BAIAP2L2: variants seen among roughly 807,000 people sequenced by gnomAD.
BAIAP2L2 encodes the protein BAR/IMD domain containing adaptor protein 2 like 2, also known as BAR/IMD domain-containing adapter protein 2-like 2.
A neutral mutation model predicts 60.4 loss-of-function variants in BAIAP2L2; 65 were observed. The ratio of observed to expected loss-of-function variants is 1.08; its 90% CI spans 0.88 to 1.32. The LOEUF (loss-of-function observed/expected upper bound fraction) is 1.32, where lower values mean the gene tolerates loss of function less well. Ranked by LOEUF, BAIAP2L2 falls within the 40% of genes most tolerant of loss-of-function variation. The probability of loss-of-function intolerance (pLI) is 0.00; values close to 1 mark genes in which losing one functional copy is unlikely to be tolerated. For missense variants in BAIAP2L2, 836 were observed against 741.2 expected (o/e 1.13, Z -1.48); for synonymous variants, 344 against 301.7 (o/e 1.14, Z -1.45).
chr22:38,094,752 C>T (rs563363622), intron 7 of BAIAP2L2, among the ~76,000 whole-genome samples: 4 of 152,156 alleles, frequency 2.6e-5, no homozygotes, highest in South Asian at 4.2e-4. Context: ...GAGCCTGAGC[C>T]GAAATCTGGG....
chr22:38,089,540 C>G lies in BAIAP2L2; in HGVS notation c.747G>C (p.Thr249=), dbSNP rs2086227366. The G allele has an allele frequency of 4.9e-6, 6 of 1,220,580 alleles. No homozygotes were observed. Among genetic ancestry groups the G allele is most frequent in the Non-Finnish European group, 6.1e-6 (6 of 981,200 alleles). The allele number at this position is 1,220,580 out of a possible 1,614,324, so 75.6% of individuals were successfully genotyped here. A position where few individuals can be genotyped will look rare whatever the true frequency, so the allele number is the denominator to read the frequency against. ...LGPPYPSGRL[T]PTCLDMPPRP... ...GCCTCACCATGTCCAGGCAGGTGGG[C>G]GTCAGGCGGCCCGAGGGGTAGGGCG... The change falls in exon 8 of 14, where the codon ACG becomes ACC. Residue 249 remains threonine (T), a synonymous_variant. Transcript: ENST00000381669.
intron 7 of BAIAP2L2, among the ~76,000 whole-genome samples, chr22:38,094,560 G>C (rs888035495): frequency 6.6e-6 from 1 of 152,194 alleles, no homozygotes; most frequent in Admixed American, 6.5e-5. Flanking sequence ...GCATGACTCT[G>C]TGAATATACT....
intron 12 of BAIAP2L2, 51 bp downstream of exon 12, chr22:38,086,191 C>G (rs2086061070): frequency 6.4e-7 from 1 of 1,564,726 alleles, no homozygotes. Context: ...TCCCTGCTCT[C>G]CTGCCTCCCT....
rs1316451318 is a variant in BAIAP2L2 at position 38,087,003 on chromosome 22, AAAAAACAAAACAAAAC to A, written c.1259+105_1259+120del. The A allele has an allele frequency of 1.3e-4, 172 of 1,276,764 alleles. No homozygotes were observed. The African/African-American group carries it at 2.4e-3, about 18-fold the overall frequency. 79.1% of individuals were successfully genotyped at this position (1,276,764 alleles called of 1,614,324 possible). ...AGGGTGAGACTCTGTCTCAAAAAAA[AAAAAACAAAACAAAAC>A]AAAAAAACAAAAAAACAAGCCTGCA... On this transcript the variant is annotated intron_variant, in intron 11 of 13. Coordinates refer to ENST00000381669, the MANE Select transcript of BAIAP2L2 (RefSeq NM_025045.6).
Position 38,087,287 on chromosome 22 carries a change from A to G in BAIAP2L2, c.1119-23T>C, listed in dbSNP as rs751398285. 6.3e-6 allele frequency: 10 copies of G among 1,588,148 alleles called. 1 individual carries two copies. The highest frequency in any genetic ancestry group is 5.7e-5 in the South Asian group (5 of 87,206). On this transcript the variant is annotated intron_variant, in intron 10 of 13. Transcript: ENST00000381669. ...CTCCTGTGGGGTAGAGGCAGAGGAC[A>G]ATGACCAAAAGAAGCCAGGCCTGGG... is the stretch of plus-strand genomic sequence containing the variant.
intron 6 of BAIAP2L2, 54 bp downstream of exon 6, chr22:38,098,009 C>CCCCCCCCCT: frequency 1.1e-5 from 6 of 565,280 alleles, no homozygotes; most frequent in East Asian, 5.8e-5. Flanking sequence ...GGTCTCGCCC[C>CCCCCCCCCT]GAGGTCTGCC....
At chr22:38,108,059 G>A in intron 3 of BAIAP2L2, 146 bp from the exon 4 acceptor site, 2 of 1,026,634 alleles carry the variant, frequency 1.9e-6, no homozygotes, top group Non-Finnish European at 2.9e-6. Context: ...TGGTTCTCTG[G>A]GAGCCAGGCC....
rs1327377174 is a variant in BAIAP2L2 at position 38,104,526 on chromosome 22, T to C, written c.276+3326A>G. On this transcript the variant is annotated intron_variant, in intron 4 of 13. Coordinates refer to ENST00000381669, the MANE Select transcript of BAIAP2L2 (RefSeq NM_025045.6). ...TTTTTTTTTTTTTGAGACGGAGTAT[T>C]GCTCTGTCGCCCAGGCTGGAGTGCA... Among the ~76,000 whole-genome samples the C allele has an allele frequency of 4.6e-5, 7 of 151,230 alleles. No individual in the cohort carries two copies. In the East Asian group the frequency reaches 5.9e-4, roughly 13 times the overall value.
chr22:38,095,609 C>T (rs2086409965), intron 7 of BAIAP2L2, among the ~76,000 whole-genome samples: 1 of 152,170 alleles, frequency 6.6e-6, no homozygotes. Flanking sequence ...AAGCGATCCA[C>T]CCACCTCGCG....
chr22:38,087,155 G>GTGTCATGGA lies in BAIAP2L2; in HGVS notation c.1227_1228insTCCATGACA (p.Thr409_Pro410insSerMetThr), dbSNP rs1390446427. The GTGTCATGGA allele has an allele frequency of 3.1e-6, 5 of 1,602,014 alleles. No individual in the cohort carries two copies. The highest frequency in any genetic ancestry group is 4.3e-6 in the Non-Finnish European group (5 of 1,175,636). The stretch of plus-strand genomic sequence containing the variant: ...GGCAGCTCGTTCCCGGGGTTCATGG[G>GTGTCATGGA]TGTCATGGGGGACATGGAGGTCATG... On this transcript the variant is annotated inframe_insertion, in exon 11 of 14. Coordinates refer to ENST00000381669, the MANE Select transcript of BAIAP2L2 (RefSeq NM_025045.6).
intron 3 of BAIAP2L2, 131 bp downstream of exon 3, chr22:38,108,124 G>T: frequency 9.9e-7 from 1 of 1,007,900 alleles, no homozygotes; most frequent in Non-Finnish European, 1.5e-6. Context: ...GGGAGCCTGG[G>T]CCCCAGAACA....
intron 9 of BAIAP2L2, 62 bp downstream of exon 9, chr22:38,089,031 CCTG>C (rs1289667013): frequency 1.8e-5 from 25 of 1,420,524 alleles, no homozygotes; most frequent in Non-Finnish European, 2.2e-5. Flanking sequence ...CTCGATCCCT[CCTG>C]CTGCAGCCCC....
chr22:38,103,694 C>T (rs751788861), intron 4 of BAIAP2L2, among the ~76,000 whole-genome samples: 6 of 152,086 alleles, frequency 3.9e-5, no homozygotes, highest in Non-Finnish European at 8.8e-5. Flanking sequence ...GAAACCCCGT[C>T]TCTACTAAAA....
chr22:38,085,887 A>G (rs966571600), intron 12 of BAIAP2L2, among the ~76,000 whole-genome samples, 155 bp from the exon 13 acceptor site: 1 of 152,178 alleles, frequency 6.6e-6, no homozygotes, highest in Non-Finnish European at 1.5e-5. Flanking sequence ...GACGTTCTGA[A>G]GCCCAGAATT....
At chr22:38,102,459 T>A (rs1569228424) in intron 4 of BAIAP2L2, among the ~76,000 whole-genome samples, 1 of 152,160 alleles carries the variant, frequency 6.6e-6, no homozygotes, top group Non-Finnish European at 1.5e-5. Context: ...TTGACTGTGC[T>A]CCTTTTACAA....
intron 7 of BAIAP2L2, among the ~76,000 whole-genome samples, chr22:38,092,557 A>T (rs1468975126): frequency 1.3e-5 from 2 of 152,156 alleles, no homozygotes; most frequent in African/African-American, 4.8e-5. Context: ...GATTACAGAC[A>T]TGAGCCACCA....
rs765972451 is a variant in BAIAP2L2 at position 38,097,013 on chromosome 22, G to GC, written c.612+18dup. 4.9e-5 allele frequency: 79 copies of GC among 1,601,714 alleles called. No homozygotes were observed. Among genetic ancestry groups the GC allele is most frequent in the South Asian group, 2.5e-4 (22 of 89,696 alleles). On this transcript the variant is annotated intron_variant, in intron 7 of 13. Coordinates refer to ENST00000381669, the MANE Select transcript of BAIAP2L2 (RefSeq NM_025045.6). Reference sequence around the variant, plus strand: ...AGCTCCTAGAAGCGCCCCGCTTGCTGCCCCCCAGTCCAACTCACCCGGCCG... The same window carrying GC: ...AGCTCCTAGAAGCGCCCCGCTTGCTGCCCCCCCAGTCCAACTCACCCGGCCG...
Position 38,089,197 on chromosome 22 carries a change from C to T in BAIAP2L2, c.800G>A (p.Arg267His). 1.0e-5 allele frequency: 12 copies of T among 1,166,272 alleles called. No individual in the cohort carries two copies. Among genetic ancestry groups the T allele is most frequent in the East Asian group, 4.4e-5 (1 of 22,694 alleles). 72.2% of individuals were successfully genotyped at this position (1,166,272 alleles called of 1,614,324 possible). Residue 267 changes from arginine to histidine, a missense_variant, in exon 9 of 14, where the codon CGC becomes CAC. Physicochemically the swap from Arg to His is conservative, Grantham distance 29. Coordinates refer to ENST00000381669, the MANE Select transcript of BAIAP2L2 (RefSeq NM_025045.6). The part of the protein sequence containing the change: ...PRPLGEFSSP[R>H]SRHGSGSYGT... ...GTAGGAGCCGGAGCCGTGCCGGCTGCGGGGGGAGCTGAACTCTCCCAGGGG... is the reference window on the plus strand; with the variant it reads ...GTAGGAGCCGGAGCCGTGCCGGCTGTGGGGGGAGCTGAACTCTCCCAGGGG...
intron 10 of BAIAP2L2, 88 bp downstream of exon 10, chr22:38,088,660 G>T: frequency 7.3e-7 from 1 of 1,366,896 alleles, no homozygotes; most frequent in Non-Finnish European, 9.7e-7. Flanking sequence ...GGAGGCCAGG[G>T]AAACCTCAGT....
Sources: allele counts gnomAD v4.1 joint callset (sites outside exome capture counted in the v4.1 genomes callset), GRCh38; gene constraint gnomAD v4.1.1; transcripts MANE v1.5; gene names NCBI Gene and HGNC (gene_info 2026-07-23, HGNC 2026-07-21).